RNF111: variants seen among roughly 807,000 people sequenced by gnomAD.
RNF111 encodes ring finger protein 111.
Under a neutral mutation model 95.1 loss-of-function variants are expected in RNF111, and 17 were observed. The observed-to-expected ratio is 0.18, with a 90% CI of 0.12 to 0.27. The LOEUF (loss-of-function observed/expected upper bound fraction) is 0.27, where lower values mean the gene tolerates loss of function less well. Ranked by LOEUF, RNF111 falls within the 10% of genes least tolerant of loss-of-function variation. The pLI is 1.00. For missense variants in RNF111, 1,189 were observed against 1,210.4 expected (o/e 0.98, Z 0.26); for synonymous variants, 440 against 414.8 (o/e 1.06, Z -0.74).
intron 1 of RNF111, among the ~76,000 whole-genome samples, chr15:59,015,764 ACTTT>A (rs1215085441): frequency 1.3e-5 from 2 of 152,050 alleles, no homozygotes; most frequent in East Asian, 3.9e-4. Flanking sequence ...CTTGGATGTG[ACTTT>A]CTTTATGAAG....
chr15:59,058,224 C>G, intron 4 of RNF111, 132 bp from the exon 5 acceptor site: 1 of 700,462 alleles, frequency 1.4e-6, no homozygotes, highest in Non-Finnish European at 2.3e-6. Context: ...CTTTCTTTAC[C>G]AAATGTTATT....
intron 6 of RNF111, among the ~76,000 whole-genome samples, chr15:59,071,842 G>A (rs2042943078): frequency 6.6e-6 from 1 of 152,048 alleles, no homozygotes; most frequent in Non-Finnish European, 1.5e-5. Flanking sequence ...TGCAGGTTTG[G>A]TTCCAGACAA....
intron 1 of RNF111, among the ~76,000 whole-genome samples, chr15:59,028,607 A>T (rs1475070539): frequency 6.6e-6 from 1 of 151,988 alleles, no homozygotes; most frequent in East Asian, 1.9e-4. Context: ...CTGAGTAATA[A>T]TCTTTTGTAT....
In RNF111 at chr15:59,080,946, G is replaced by T; in HGVS notation, c.1959G>T (p.Leu653Phe). 4 of 1,610,112 alleles carry T rather than the reference G, an allele frequency of 2.5e-6. No homozygotes were observed. Among genetic ancestry groups the T allele is most frequent in the Non-Finnish European group, 3.4e-6 (4 of 1,177,710 alleles). The part of the protein sequence containing the change: ...RHYMPPPYAS[L>F]TRPLHHQASA... ...ATATTTTTCTTGCAGATGCCTCTTTGACAAGGCCACTTCATCATCAAGCTT... is the reference window on the plus strand; with the variant it reads ...ATATTTTTCTTGCAGATGCCTCTTTTACAAGGCCACTTCATCATCAAGCTT... The change falls in exon 8 of 14, where the codon TTG becomes TTT. Residue 653 changes from leucine (L) to phenylalanine (F), a missense_variant. By Grantham distance (22) the Leu-to-Phe change is conservative. Around this residue, in one of 2 missense-constraint regions of RNF111, gnomAD observed 1,024 missense variants for 925.9 expected, o/e 1.11. Transcript: ENST00000348370.
chr15:59,091,965 T>C (rs1395843696), intron 12 of RNF111, among the ~76,000 whole-genome samples: 1 of 152,224 alleles, frequency 6.6e-6, no homozygotes, highest in African/African-American at 2.4e-5. Context: ...TGATGCTCGC[T>C]CACCTGCCAC....
chr15:59,045,764 A>G (rs1053754044), intron 2 of RNF111, among the ~76,000 whole-genome samples: 9 of 152,226 alleles, frequency 5.9e-5, no homozygotes, highest in African/African-American at 1.2e-4. Context: ...TGCAAAGTCA[A>G]TGGTTAGCTG....
chr15:59,084,839 A>G (rs2078851956), intron 9 of RNF111, among the ~76,000 whole-genome samples: 1 of 151,768 alleles, frequency 6.6e-6, no homozygotes, highest in East Asian at 1.9e-4. Flanking sequence ...TAGGTTTTTT[A>G]GAGTTCCCAT....
rs185229230 is a variant in RNF111 at position 59,081,295 on chromosome 15, C to T, written c.2297+11C>T. 209 of 1,606,054 alleles carry T rather than the reference C, an allele frequency of 1.3e-4. No homozygotes were observed. Among genetic ancestry groups the T allele is most frequent in the East Asian group, 2.9e-4 (13 of 44,748 alleles). On this transcript the variant is annotated intron_variant, in intron 8 of 13. Coordinates refer to ENST00000348370, the MANE Select transcript of RNF111 (RefSeq NM_017610.8). Reference sequence around the variant, plus strand: ...GATGCAGCATCCAACGTATGTTTTACGTTTTTAAAAAGAAAGTCAAGTTTG... The same window carrying T: ...GATGCAGCATCCAACGTATGTTTTATGTTTTTAAAAAGAAAGTCAAGTTTG...
At chr15:59,027,266 A>T (rs2040663075) in intron 1 of RNF111, among the ~76,000 whole-genome samples, 1 of 152,178 alleles carries the variant, frequency 6.6e-6, no homozygotes, top group Admixed American at 6.5e-5. Context: ...TAACTCTGAC[A>T]TGGGTTTCTG....
At chr15:59,094,202 G>A (rs1382205985) in intron 13 of RNF111, among the ~76,000 whole-genome samples, 1 of 152,128 alleles carries the variant, frequency 6.6e-6, no homozygotes, top group East Asian at 1.9e-4. Flanking sequence ...ATTATTCCGT[G>A]AAAAAAGTAT....
chr15:59,018,675 T>C (rs1279950459), intron 1 of RNF111, among the ~76,000 whole-genome samples: 1 of 152,180 alleles, frequency 6.6e-6, no homozygotes, highest in Non-Finnish European at 1.5e-5. Context: ...AATGCATATA[T>C]TAATATAAGT....
intron 1 of RNF111, among the ~76,000 whole-genome samples, chr15:59,024,132 A>C (rs568386315): frequency 2.2e-4 from 33 of 152,276 alleles, no homozygotes; most frequent in African/African-American, 7.0e-4. Flanking sequence ...GAAATTGAGC[A>C]ATAGTAAATT....
intron 2 of RNF111, among the ~76,000 whole-genome samples, chr15:59,039,721 ATT>A (rs113202002): frequency 2.1e-5 from 3 of 143,344 alleles, no homozygotes; most frequent in African/African-American, 2.5e-5. Flanking sequence ...AGAACTCCTG[ATT>A]TTTTTTTTTT....
chr15:59,092,767 G>T, intron 13 of RNF111, 127 bp downstream of exon 13: 2 of 927,228 alleles, frequency 2.2e-6, no homozygotes, highest in South Asian at 3.9e-5. Context: ...GCCAAGGCCA[G>T]AGGCTCTCTT....
intron 10 of RNF111, among the ~76,000 whole-genome samples, chr15:59,089,323 T>G (rs1341822380): frequency 6.6e-6 from 1 of 152,178 alleles, no homozygotes; most frequent in African/African-American, 2.4e-5. Flanking sequence ...AGTAAAAAAC[T>G]TATCTTGAAG....
intron 6 of RNF111, among the ~76,000 whole-genome samples, chr15:59,071,227 A>C (rs1161563806): frequency 6.9e-6 from 1 of 145,686 alleles, no homozygotes; most frequent in Non-Finnish European, 1.5e-5. Flanking sequence ...TGAACCCGGG[A>C]GGCGGAGCTT....
intron 8 of RNF111, among the ~76,000 whole-genome samples, chr15:59,082,165 T>A (rs943154102): frequency 6.6e-6 from 1 of 152,218 alleles, no homozygotes; most frequent in South Asian, 2.1e-4. Flanking sequence ...CCCCTGCCTT[T>A]CCCTAAATTG....
intron 2 of RNF111, among the ~76,000 whole-genome samples, chr15:59,034,363 C>A (rs1792422499): frequency 6.6e-6 from 1 of 152,144 alleles, no homozygotes; most frequent in African/African-American, 2.4e-5. Context: ...GCTGTTGTTA[C>A]CAGAATGCCC....
At chr15:59,091,021 T>G in intron 11 of RNF111, 38 bp from the exon 12 acceptor site, 1 of 1,215,676 alleles carries the variant, frequency 8.2e-7, no homozygotes, top group Non-Finnish European at 1.2e-6. Context: ...GGAATAATCA[T>G]CTTGGCTTTT....
Sources: allele counts gnomAD v4.1 joint callset (sites outside exome capture counted in the v4.1 genomes callset), GRCh38; gene constraint gnomAD v4.1.1; regional missense constraint gnomAD v4.1.1; transcripts MANE v1.5; gene names NCBI Gene and HGNC (gene_info 2026-07-23, HGNC 2026-07-21).